The following CXCL13 variants were observed in gnomAD, a reference collection of about 807,000 sequenced individuals.
The protein encoded by CXCL13 is C-X-C motif chemokine ligand 13, also known as C-X-C motif chemokine 13.
CXCL13 carries 7 observed loss-of-function variants against 12.2 expected under a neutral mutation model. That is an observed-to-expected ratio of 0.57 (90% confidence interval 0.33 to 1.07). The LOEUF is 1.07. Among genes scored for constraint, CXCL13 ranks in the 50% least tolerant of loss-of-function variants. CXCL13 has a pLI of 0.04. For synonymous variants in CXCL13, 47 were observed against 42.4 expected (o/e 1.11, Z -0.42); for missense variants, 113 against 127.4 (o/e 0.89, Z 0.55).
At chr4:77,518,942 G>T (rs1389539374) in intron 1 of CXCL13, among the ~76,000 whole-genome samples, 1 of 152,152 alleles carries the variant, frequency 6.6e-6, no homozygotes, top group East Asian at 1.9e-4. Context: ...TTTGGACTTT[G>T]ATGATGGTGA....
chr4:77,580,800 C>T (rs1406974935), intron 1 of CXCL13, among the ~76,000 whole-genome samples: 1 of 131,852 alleles, frequency 7.6e-6, no homozygotes, highest in Non-Finnish European at 1.6e-5. Context: ...CTCCCCTTCT[C>T]CTTCCCTCCC....
chr4:77,602,872 T>C (rs139210466), upstream of CXCL13, among the ~76,000 whole-genome samples: 99 of 152,336 alleles, frequency 6.5e-4, no homozygotes, highest in African/African-American at 2.3e-3. Context: ...TATCATGTAG[T>C]GTTGGACTTG....
At chr4:77,596,285 C>A (rs1296609020) in intron 1 of CXCL13, among the ~76,000 whole-genome samples, 1 of 152,096 alleles carries the variant, frequency 6.6e-6, no homozygotes, top group African/African-American at 2.4e-5. Flanking sequence ...GTATCACCTC[C>A]CACTTGTTTG....
chr4:77,513,485 T>C (rs1350353715), intron 1 of CXCL13, among the ~76,000 whole-genome samples: 3 of 151,370 alleles, frequency 2.0e-5, no homozygotes, highest in Non-Finnish European at 4.4e-5. Flanking sequence ...GGAGTCTCAC[T>C]CTATTGCCCA....
upstream of CXCL13, among the ~76,000 whole-genome samples, chr4:77,603,234 T>C (rs950625942): frequency 6.6e-6 from 1 of 152,210 alleles, no homozygotes. Flanking sequence ...GGTCTCAAGA[T>C]CATATCACAA....
intron 1 of CXCL13, among the ~76,000 whole-genome samples, chr4:77,562,591 T>C (rs1054575397): frequency 2.0e-5 from 3 of 151,884 alleles, no homozygotes; most frequent in Admixed American, 6.5e-5. Flanking sequence ...CAATCAGCAC[T>C]CTGTGTCTAG....
intron 1 of CXCL13, among the ~76,000 whole-genome samples, chr4:77,549,727 C>T (rs1578049180): frequency 6.6e-6 from 1 of 152,292 alleles, no homozygotes; most frequent in East Asian, 1.9e-4. Flanking sequence ...CTCAGAGGGG[C>T]ACCCAGCTGT....
intron 2 of CXCL13, among the ~76,000 whole-genome samples, chr4:77,610,201 C>G (rs1297020507): frequency 1.3e-5 from 2 of 151,942 alleles, no homozygotes; most frequent in African/African-American, 4.8e-5. Flanking sequence ...AATTCAGGTT[C>G]TCAAGAGAGT....
chr4:77,559,492 G>T (rs1725748588), intron 1 of CXCL13, among the ~76,000 whole-genome samples: 1 of 152,150 alleles, frequency 6.6e-6, no homozygotes, highest in South Asian at 2.1e-4. Flanking sequence ...CCCAGTAGCT[G>T]GGGCAATAGC....
At chr4:77,528,087 T>C (rs1358276634) in intron 1 of CXCL13, among the ~76,000 whole-genome samples, 1 of 152,214 alleles carries the variant, frequency 6.6e-6, no homozygotes, top group African/African-American at 2.4e-5. Flanking sequence ...GCTTCATCCA[T>C]GTCCCTATAA....
chr4:77,563,823 A>C (rs935347921), intron 1 of CXCL13, among the ~76,000 whole-genome samples: 1 of 152,190 alleles, frequency 6.6e-6, no homozygotes, highest in African/African-American at 2.4e-5. Context: ...CTATGGGAGG[A>C]ATGAACAGGT....
intron 1 of CXCL13, among the ~76,000 whole-genome samples, chr4:77,569,723 G>A (rs1013585566): frequency 1.3e-5 from 2 of 152,198 alleles, no homozygotes; most frequent in East Asian, 3.8e-4. Flanking sequence ...TAGATTCAAT[G>A]CTATTCCTAT....
intron 1 of CXCL13, among the ~76,000 whole-genome samples, chr4:77,517,469 T>C (rs1222965362): frequency 1.3e-5 from 2 of 152,194 alleles, no homozygotes; most frequent in Non-Finnish European, 2.9e-5. Context: ...ACTCAGGGCT[T>C]GCTTTATGAA....
At chr4:77,512,249 C>T (rs1026928150) in intron 1 of CXCL13, among the ~76,000 whole-genome samples, 1 of 152,136 alleles carries the variant, frequency 6.6e-6, no homozygotes, top group Non-Finnish European at 1.5e-5. Context: ...AGTGTAGTTA[C>T]AGCATTAAAT....
chr4:77,601,011 T>C (rs866379329), upstream of CXCL13, among the ~76,000 whole-genome samples: 2 of 152,202 alleles, frequency 1.3e-5, no homozygotes, highest in Non-Finnish European at 2.9e-5. Flanking sequence ...GGGTCTTCTT[T>C]ACCTGAGGAC....
chr4:77,519,859 A>C (rs1394127925), intron 1 of CXCL13, among the ~76,000 whole-genome samples: 1 of 152,212 alleles, frequency 6.6e-6, no homozygotes, highest in East Asian at 1.9e-4. Context: ...TCTAACATTT[A>C]AGTCTTTAAT....
rs112502815 is a variant in CXCL13, at chr4:77,545,559, A to G, written c.-43+33771A>G. ...TTTGGCTCTCTGTTTGTCTGCTATT[A>G]GTGTATAGGAATGCTTGTGAGTTTT... On this transcript the variant is annotated intron_variant, in intron 1 of 4. Transcript: ENST00000286758. 6.6e-5 allele frequency among the ~76,000 whole-genome samples: 10 copies of G among 151,992 alleles called. 2 individuals carry two copies. Among genetic ancestry groups the G allele is most frequent in the African/African-American group, 2.2e-4 (9 of 41,526 alleles).
chr4:77,552,123 A>T (rs1289997301), intron 1 of CXCL13, among the ~76,000 whole-genome samples: 1 of 152,160 alleles, frequency 6.6e-6, no homozygotes, highest in Non-Finnish European at 1.5e-5. Flanking sequence ...CTGGAGAGGT[A>T]GTGTGATACT....
chr4:77,525,268 T>G (rs910998681), intron 1 of CXCL13, among the ~76,000 whole-genome samples: 1 of 152,244 alleles, frequency 6.6e-6, no homozygotes, highest in African/African-American at 2.4e-5. Flanking sequence ...TGTTGATGTG[T>G]GTAACAAAGT....
Sources: allele counts gnomAD v4.1 joint callset (sites outside exome capture counted in the v4.1 genomes callset), GRCh38; gene constraint gnomAD v4.1.1; transcripts MANE v1.5; gene names NCBI Gene and HGNC (gene_info 2026-07-23, HGNC 2026-07-21).